Variants in SPOCK1 observed in about 807,000 individuals in gnomAD.
The protein encoded by SPOCK1 is SPARC (osteonectin), cwcv and kazal like domains proteoglycan 1, also known as testican-1.
Under a neutral mutation model 55.3 loss-of-function variants are expected in SPOCK1, and 23 were observed. That is an observed-to-expected ratio of 0.42 (90% CI 0.30 to 0.59). The LOEUF is 0.59. Ranked by LOEUF, SPOCK1 falls within the 20% of genes least tolerant of loss-of-function variation. SPOCK1 has a pLI of 0.22. For missense variants in SPOCK1, 499 were observed against 552.5 expected (o/e 0.90, Z 0.97); for synonymous variants, 226 against 221.0 (o/e 1.02, Z -0.20).
At chr5:137,258,937 G>A (rs1756692039) in intron 3 of SPOCK1, among the ~76,000 whole-genome samples, 1 of 152,268 alleles carries the variant, frequency 6.6e-6, no homozygotes, top group African/African-American at 2.4e-5. Context: ...TGTGAAGTCA[G>A]GGTGAAGCCA....
Position 137,399,363 on chromosome 5 carries a change from T to TTTGTTGTTG in SPOCK1, c.186+99001_186+99009dup, listed in dbSNP as rs140515377. Among the ~76,000 whole-genome samples the TTTGTTGTTG allele has an allele frequency of 9.5e-4, 143 of 150,948 alleles. 1 individual carries two copies. Among genetic ancestry groups the TTTGTTGTTG allele is most frequent in the Middle Eastern group, 3.4e-3 (1 of 294 alleles). ...ACTGGGCTATATTGCCTCTTTATTG[T>TTTGTTGTTG]TTGTTGTTGTTGTTGTTGTTGTTGT... is the stretch of plus-strand genomic sequence containing the variant. On this transcript the variant is annotated intron_variant, in intron 2 of 10. Transcript: ENST00000394945.
At chr5:137,198,713 T>C (rs1755351711) in intron 3 of SPOCK1, among the ~76,000 whole-genome samples, 2 of 152,232 alleles carry the variant, frequency 1.3e-5, no homozygotes, top group Non-Finnish European at 2.9e-5. Context: ...GCAACGTTTT[T>C]CTTAATTTGA....
At chr5:137,139,248 C>A (rs1354044077) in intron 4 of SPOCK1, among the ~76,000 whole-genome samples, 1 of 152,124 alleles carries the variant, frequency 6.6e-6, no homozygotes, top group Non-Finnish European at 1.5e-5. Context: ...AGCAAGATGA[C>A]CCTGGATGCT....
chr5:137,275,146 C>T (rs1425927005), intron 2 of SPOCK1, among the ~76,000 whole-genome samples: 1 of 152,216 alleles, frequency 6.6e-6, no homozygotes, highest in Non-Finnish European at 1.5e-5. Context: ...CAAACAAAGC[C>T]ATTGCCATCT....
At chr5:137,163,958 C>A (rs1225871145) in intron 3 of SPOCK1, among the ~76,000 whole-genome samples, 3 of 152,148 alleles carry the variant, frequency 2.0e-5, no homozygotes, top group Non-Finnish European at 1.5e-5. Context: ...AAATTGTTAG[C>A]AGACCACATA....
At chr5:137,416,294 G>GA (rs35889581) in intron 2 of SPOCK1, among the ~76,000 whole-genome samples, 38 of 144,542 alleles carry the variant, frequency 2.6e-4, no homozygotes, top group South Asian at 4.4e-4. Context: ...CCTCCCCTCT[G>GA]AAAAAAAAAA....
chr5:137,307,639 G>C (rs1757720378), intron 2 of SPOCK1, among the ~76,000 whole-genome samples: 1 of 152,220 alleles, frequency 6.6e-6, no homozygotes, highest in Non-Finnish European at 1.5e-5. Context: ...ACAGAACACA[G>C]AGCAAAGGCC....
At chr5:137,233,602 C>A (rs1260334022) in intron 3 of SPOCK1, among the ~76,000 whole-genome samples, 2 of 151,834 alleles carry the variant, frequency 1.3e-5, no homozygotes, top group Non-Finnish European at 2.9e-5. Context: ...ACTGGGGACC[C>A]CTGCTATACA....
At chr5:137,331,035 G>A (rs1758168113) in intron 2 of SPOCK1, among the ~76,000 whole-genome samples, 1 of 152,194 alleles carries the variant, frequency 6.6e-6, no homozygotes, top group Non-Finnish European at 1.5e-5. Context: ...GGTGGAGCTA[G>A]GATTCAAATT....
chr5:137,356,832 T>TAGAGAG (rs1264084655), intron 2 of SPOCK1, among the ~76,000 whole-genome samples: 16 of 10,174 alleles, frequency 1.6e-3, no homozygotes, highest in Non-Finnish European at 2.7e-3. Context: ...TATATATATA[T>TAGAGAG]ATATATAGAG....
At chr5:137,360,323 A>C (rs1405617212) in intron 2 of SPOCK1, among the ~76,000 whole-genome samples, 5 of 152,196 alleles carry the variant, frequency 3.3e-5, no homozygotes, top group Non-Finnish European at 5.9e-5. Context: ...ACATCTTACA[A>C]AGGCACACAG....
chr5:137,025,450 A>C (rs1240690355), intron 6 of SPOCK1, among the ~76,000 whole-genome samples: 1 of 152,178 alleles, frequency 6.6e-6, no homozygotes, highest in Non-Finnish European at 1.5e-5. Flanking sequence ...ACTCCCTTCT[A>C]ATAAATTCAT....
intron 2 of SPOCK1, among the ~76,000 whole-genome samples, chr5:137,375,873 A>G (rs893017542): frequency 6.6e-6 from 1 of 152,210 alleles, no homozygotes; most frequent in Non-Finnish European, 1.5e-5. Flanking sequence ...GGAGATCCAC[A>G]GCTTGATTCT....
At chr5:137,015,595 A>G (rs1407000012) in intron 6 of SPOCK1, among the ~76,000 whole-genome samples, 1 of 152,220 alleles carries the variant, frequency 6.6e-6, no homozygotes, top group African/African-American at 2.4e-5. Context: ...TCAGAGCCCT[A>G]AAAGGTCCTG....
intron 2 of SPOCK1, among the ~76,000 whole-genome samples, chr5:137,405,740 A>G (rs887628006): frequency 1.3e-5 from 2 of 152,164 alleles, no homozygotes; most frequent in African/African-American, 4.8e-5. Flanking sequence ...TTCCCAGTCT[A>G]GCCAAATATT....
chr5:137,477,539 A>T (rs988451666), intron 2 of SPOCK1, among the ~76,000 whole-genome samples: 2 of 152,286 alleles, frequency 1.3e-5, no homozygotes, highest in East Asian at 3.9e-4. Context: ...CTTCTGAAGC[A>T]TTTCTCAGTA....
intron 3 of SPOCK1, among the ~76,000 whole-genome samples, chr5:137,214,004 A>G (rs1312891975): frequency 6.6e-6 from 1 of 152,190 alleles, no homozygotes; most frequent in Non-Finnish European, 1.5e-5. Flanking sequence ...ACCAAAGAAA[A>G]CTGCAACCAA....
intron 9 of SPOCK1, 170 bp from the exon 10 acceptor site, chr5:136,979,639 T>G: frequency 1.4e-6 from 1 of 729,666 alleles, no homozygotes; most frequent in African/African-American, 1.8e-5. Flanking sequence ...CCTTAACCTT[T>G]AGAGGCCCAA....
chr5:137,410,196 A>G (rs960083651), intron 2 of SPOCK1, among the ~76,000 whole-genome samples: 10 of 152,160 alleles, frequency 6.6e-5, no homozygotes, highest in Admixed American at 6.5e-5. Flanking sequence ...TTCGGCATTC[A>G]CAGGCACTTA....
Sources: gnomAD v4.1 joint callset for allele counts (sites outside exome capture counted in the v4.1 genomes callset) on GRCh38, gnomAD v4.1.1 for gene constraint, MANE v1.5 for transcripts, NCBI Gene and HGNC (gene_info 2026-07-23, HGNC 2026-07-21) for gene names.